The following WDR62 variants were observed in gnomAD, a reference collection of about 807,000 sequenced individuals.
WDR62 encodes WD repeat domain 62, also known as WD repeat-containing protein 62.
In WDR62, 112 loss-of-function variants were observed where a neutral mutation model predicts 160.6. The observed-to-expected ratio is 0.70, with a 90% CI of 0.60 to 0.82. WDR62 has a LOEUF of 0.82. Ranked by LOEUF, WDR62 falls within the 40% of genes least tolerant of loss-of-function variation. The probability of loss-of-function intolerance (pLI) is 0.00; values close to 1 mark genes in which losing one functional copy is unlikely to be tolerated. For synonymous variants in WDR62, 792 were observed against 815.1 expected, an observed-to-expected ratio of 0.97 and a Z score of 0.48; for missense variants, 1,819 against 1,983.8, an observed-to-expected ratio of 0.92 and a Z score of 1.58.
Position 36,055,021 on chromosome 19 carries a change from A to C in WDR62, c.50A>C (p.Lys17Thr), listed in dbSNP as rs1419157907. Residue 17 changes from lysine (K) to threonine (T), a missense_variant, in exon 1 of 32, where the codon AAG (lysine) becomes ACG (threonine). Lys to Thr is a moderately conservative substitution (Grantham distance 78, BLOSUM62 -1). Around this residue, in one of 3 missense-constraint regions of WDR62, gnomAD observed 115 missense variants for 92.4 expected, o/e 1.24. Transcript: ENST00000401500. ...GGYARNDAGE[K>T]LPSVMAGVPA... ...TATGCGCGGAACGATGCAGGGGAGA[A>C]GCTGCCCTCTGTCATGGCGGGAGTT... 3 of 1,608,552 alleles carry C rather than the reference A, an allele frequency of 1.9e-6. No individual in the cohort carries two copies. The highest frequency in any genetic ancestry group is 2.5e-6 in the Non-Finnish European group (3 of 1,178,570).
intron 3 of WDR62, chr19:36,061,681 G>T (rs1057131774): frequency 1.3e-5 from 2 of 152,152 alleles, no homozygotes. Flanking sequence ...GTCCGCCCTT[G>T]GCCACCAGTG....
chr19:36,105,735 G>A (rs1417493271), downstream of WDR62, among the ~76,000 whole-genome samples: 1 of 152,076 alleles, frequency 6.6e-6, no homozygotes, highest in South Asian at 2.1e-4. Flanking sequence ...ATCTTGCTGT[G>A]TCATCCAGGC....
intron 9 of WDR62, among the ~76,000 whole-genome samples, chr19:36,080,630 G>C (rs1045871291): frequency 6.7e-6 from 1 of 150,206 alleles, no homozygotes; most frequent in Non-Finnish European, 1.5e-5. Flanking sequence ...AGCTAATTGT[G>C]TATTTTTAGT....
rs387907082 is a variant in WDR62, at chr19:36,081,512, G to A, written c.1313G>A (p.Arg438His). 7 of 1,614,036 alleles carry A rather than the reference G, an allele frequency of 4.3e-6. No homozygotes were observed. Among genetic ancestry groups the A allele is most frequent in the South Asian group, 2.2e-5 (2 of 91,084 alleles). ...FLTCSSDNTIRFWNLDSSPDS... is the reference protein window; with the variant it reads ...FLTCSSDNTIHFWNLDSSPDS... ...ACTTGTTCTTCAGACAACACCATTCGCTTCTGGAACTTGGACAGCAGCCCT... is the reference window on the plus strand; with the variant it reads ...ACTTGTTCTTCAGACAACACCATTCACTTCTGGAACTTGGACAGCAGCCCT... Residue 438 changes from arginine (R) to histidine (H), a missense_variant, in exon 10 of 32, where the codon CGC (arginine) becomes CAC (histidine). Transcript: ENST00000401500.
intron 7 of WDR62, among the ~76,000 whole-genome samples, chr19:36,069,857 G>C (rs1395390131): frequency 6.6e-6 from 1 of 152,174 alleles, no homozygotes; most frequent in African/African-American, 2.4e-5. Flanking sequence ...AACCAGTCAG[G>C]CGTGGCGGCG....
chr19:36,058,728 C>G (rs1401015386), intron 1 of WDR62, 52 bp from the exon 2 acceptor site: 1 of 1,500,252 alleles, frequency 6.7e-7, no homozygotes, highest in Non-Finnish European at 9.3e-7. Flanking sequence ...GCGGCTGCAC[C>G]ATGTGGTGCT....
chr19:36,084,932 C>T lies in WDR62; in HGVS notation c.1642+188C>T, dbSNP rs117860709. 8.4e-3 allele frequency among the ~76,000 whole-genome samples: 1,284 copies of T among 152,246 alleles called. 13 individuals are homozygous for T. Among genetic ancestry groups the T allele is most frequent in the Non-Finnish European group, 0.011 (745 of 68,018 alleles). On this transcript the variant is annotated intron_variant, in intron 12 of 31. Coordinates refer to ENST00000401500, the MANE Select transcript of WDR62 (RefSeq NM_001083961.2). ...GGGACTTCAGAAAGCAAGACACCCG[C>T]AGGCAGGACTCAGCTTGACTTGCCC...
intron 18 of WDR62, among the ~76,000 whole-genome samples, chr19:36,091,774 A>G (rs1413644126): frequency 6.6e-6 from 1 of 152,022 alleles, no homozygotes; most frequent in East Asian, 1.9e-4. Flanking sequence ...CTCTAGTCCC[A>G]GCTACTCAGG....
intron 13 of WDR62, 84 bp from the exon 14 acceptor site, chr19:36,088,954 G>A (rs1183048778): frequency 6.8e-7 from 1 of 1,469,096 alleles, no homozygotes; most frequent in African/African-American, 1.4e-5. Flanking sequence ...GTTGATTGAT[G>A]GCTCTTGCAG....
At chr19:36,089,561 C>G (rs1972463901) in intron 15 of WDR62, among the ~76,000 whole-genome samples, 1 of 152,216 alleles carries the variant, frequency 6.6e-6, no homozygotes, top group African/African-American at 2.4e-5. Flanking sequence ...CCTGCCTCAG[C>G]CTCCCAAGTA....
In WDR62 at chr19:36,103,718, T is replaced by C. The variant is rs1425499209; in HGVS notation, c.3890T>C (p.Leu1297Pro). The C allele has an allele frequency of 6.2e-7, 1 of 1,610,818 alleles. No individual in the cohort carries two copies. The highest frequency in any genetic ancestry group is 2.2e-5 in the East Asian group (1 of 44,862). ...GGCAACCACGAGGCCCGGGCCAACC[T>C]GAGACTGACCCTGTCAAGTGCCTGT... ...SWGNHEARAN[L>P]RLTLSSACDG... The change falls in exon 30 of 32, where the codon CTG becomes CCG. Residue 1297 changes from leucine to proline, a missense_variant. This residue lies in a region of WDR62 where 770 missense variants were observed against 734.2 expected (regional missense o/e 1.05). Transcript: ENST00000401500.
At position 36,101,994 on chromosome 19, in the gene WDR62, C is replaced by T. The variant is rs753003957; in HGVS notation, c.3083-20C>T. 13 of 1,613,916 alleles carry T rather than the reference C, an allele frequency of 8.1e-6. No homozygotes were observed. The highest frequency in any genetic ancestry group is 8.5e-6 in the Non-Finnish European group (10 of 1,180,038). On this transcript the variant is annotated intron_variant, in intron 25 of 31. Transcript: ENST00000401500. Reference sequence around the variant, plus strand: ...CTCATGGTGTTGGCTCCTCTTGTCCCTCCCCTCCTTCCCTGTCAGGATGCG... The same window carrying T: ...CTCATGGTGTTGGCTCCTCTTGTCCTTCCCCTCCTTCCCTGTCAGGATGCG...
In WDR62 at chr19:36,102,126, G is replaced by A. The variant is rs1174909060; in HGVS notation, c.3195G>A (p.Glu1065=). ...AGAAGTTCCTCCGCCACCACTTTGA[G>A]ACACTGACTGAGTCCCCCTGCAGAG... ...EQEKFLRHHF[E]TLTESPCREL... Residue 1065 remains glutamate (E), a synonymous_variant, in exon 26 of 32, where the codon GAG becomes GAA. Transcript: ENST00000401500. 6.2e-7 allele frequency: 1 copy of A among 1,614,098 alleles called. No homozygotes were observed. The highest frequency in any genetic ancestry group is 1.1e-5 in the South Asian group (1 of 91,088).
At position 36,095,609 on chromosome 19, in the gene WDR62, C is replaced by T. The variant is rs151201852; in HGVS notation, c.2468-1418C>T. On this transcript the variant is annotated intron_variant, in intron 20 of 31. Transcript: ENST00000401500. ...AGGAGTTCGAGACCAGCCTGGCCAA[C>T]ATGGTGAAACCCCATGTCTGCTAAA... Among the ~76,000 whole-genome samples the T allele has an allele frequency of 1.0e-2, 1,518 of 152,326 alleles. 32 individuals carry two copies. Among genetic ancestry groups the T allele is most frequent in the African/African-American group, 0.034 (1,432 of 41,564 alleles).
intron 1 of WDR62, among the ~76,000 whole-genome samples, chr19:36,058,181 A>G (rs1372523693): frequency 1.3e-5 from 2 of 152,086 alleles, no homozygotes; most frequent in African/African-American, 4.8e-5. Flanking sequence ...GTGAAACCCC[A>G]TCTCTACTAA....
chr19:36,101,476 G>GC, intron 24 of WDR62, 159 bp downstream of exon 24: 1 of 825,072 alleles, frequency 1.2e-6, no homozygotes, highest in Non-Finnish European at 2.0e-6. Context: ...GGGCCCAGCT[G>GC]CCTACAGCTG....
chr19:36,056,555 C>G (rs1225772965), intron 1 of WDR62, among the ~76,000 whole-genome samples: 1 of 152,220 alleles, frequency 6.6e-6, no homozygotes, highest in Non-Finnish European at 1.5e-5. Flanking sequence ...AAGGCCTTCT[C>G]GAACCCCATT....
intron 9 of WDR62, chr19:36,075,380 T>TATTCTTCATGTTTCTGAAAATAAAAATC: frequency 6.6e-6 from 1 of 152,284 alleles, no homozygotes; most frequent in East Asian, 1.9e-4. Flanking sequence ...GTTCTATCTG[T>TATTCTTCATGTTTCTGAAAATAAAAATC]ATTCTTCATG....
intron 7 of WDR62, among the ~76,000 whole-genome samples, chr19:36,069,066 G>A (rs1274444600): frequency 2.6e-5 from 4 of 151,500 alleles, no homozygotes; most frequent in African/African-American, 4.8e-5. Context: ...GCGGCTGGCC[G>A]GGCGGGGGCT....
Sources: gnomAD v4.1 joint callset for allele counts (sites outside exome capture counted in the v4.1 genomes callset) on GRCh38, gnomAD v4.1.1 for gene constraint, gnomAD v4.1.1 regional missense constraint, MANE v1.5 for transcripts, NCBI Gene and HGNC (gene_info 2026-07-23, HGNC 2026-07-21) for gene names.